ZMIZ1: variants seen among roughly 807,000 people sequenced by gnomAD.
ZMIZ1 encodes the protein zinc finger MIZ-type containing 1, also known as zinc finger MIZ domain-containing protein 1.
Under a neutral mutation model 113.9 loss-of-function variants are expected in ZMIZ1, and 17 were observed. The ratio of observed to expected loss-of-function variants is 0.15; its 90% CI spans 0.10 to 0.22. The LOEUF is 0.22. ZMIZ1 is among the 10% of genes least tolerant of loss of function. The probability of loss-of-function intolerance (pLI) is 1.00; values close to 1 mark genes in which losing one functional copy is unlikely to be tolerated. For missense variants in ZMIZ1, 1,059 were observed against 1,477.8 expected (o/e 0.72, Z 4.65); for synonymous variants, 607 against 603.1 (o/e 1.01, Z -0.09).
At chr10:79,227,096 T>C (rs746641904) in intron 7 of ZMIZ1, among the ~76,000 whole-genome samples, 5 of 152,190 alleles carry the variant, frequency 3.3e-5, no homozygotes, top group African/African-American at 1.2e-4. Context: ...AGAGCCAAAA[T>C]TGTGATTCAA....
chr10:79,147,548 A>AT (rs1845540641), intron 3 of ZMIZ1, among the ~76,000 whole-genome samples: 1 of 152,162 alleles, frequency 6.6e-6, no homozygotes, highest in Admixed American at 6.5e-5. Context: ...CTAGGCAGGG[A>AT]TAGGGGTTGT....
chr10:79,270,287 TC>T (rs1272256896), intron 7 of ZMIZ1, among the ~76,000 whole-genome samples: 2 of 152,222 alleles, frequency 1.3e-5, no homozygotes, highest in African/African-American at 4.8e-5. Context: ...AGCTGGCTCT[TC>T]CTCGGTGCCT....
chr10:79,086,632 G>T (rs1259600290), intron 1 of ZMIZ1, among the ~76,000 whole-genome samples: 2 of 152,098 alleles, frequency 1.3e-5, no homozygotes, highest in Non-Finnish European at 2.9e-5. Flanking sequence ...TCCCACCTCT[G>T]CCTCCTGCTG....
At chr10:79,189,949 G>A (rs755127740) in intron 4 of ZMIZ1, among the ~76,000 whole-genome samples, 59 of 152,186 alleles carry the variant, frequency 3.9e-4, no homozygotes, top group Middle Eastern at 3.2e-3. Context: ...AATGAAGATC[G>A]GGCTAGACCC....
chr10:79,074,904 G>A (rs1341862655), intron 1 of ZMIZ1, among the ~76,000 whole-genome samples: 2 of 152,264 alleles, frequency 1.3e-5, no homozygotes, highest in Admixed American at 6.5e-5. Flanking sequence ...AGGGCCCCAG[G>A]CCCTGCCTGT....
Position 79,293,447 on chromosome 10 carries a change from A to G in ZMIZ1, c.1024A>G (p.Met342Val), listed in dbSNP as rs376626701. 1.7e-5 allele frequency: 26 copies of G among 1,540,842 alleles called. No individual in the cohort carries two copies. The East Asian group carries it at 1.8e-4, about 11-fold the overall frequency. Reference sequence around the variant, plus strand: ...GCCCGGGCCGCGGGGGCCTGCCTCCATGGGGGGCAGCATGAACCCCGCGAG... The same window carrying G: ...GCCCGGGCCGCGGGGGCCTGCCTCCGTGGGGGGCAGCATGAACCCCGCGAG... ...NQPGPRGPAS[M>V]GGSMNPASMA... Residue 342 changes from methionine (M) to valine (V), a missense_variant, in exon 12 of 25, where the codon ATG becomes GTG. Met to Val is a conservative substitution (Grantham distance 21). This residue lies in a region of ZMIZ1 where 83 missense variants were observed against 103.7 expected (regional missense o/e 0.80). Coordinates refer to ENST00000334512, the MANE Select transcript of ZMIZ1 (RefSeq NM_020338.4).
At chr10:79,274,093 G>A (rs1379831877) in intron 7 of ZMIZ1, among the ~76,000 whole-genome samples, 1 of 151,992 alleles carries the variant, frequency 6.6e-6, no homozygotes, top group Non-Finnish European at 1.5e-5. Context: ...GGTAAGTGGG[G>A]CCCACAGGAC....
intron 7 of ZMIZ1, among the ~76,000 whole-genome samples, chr10:79,265,821 C>T (rs1686209570): frequency 6.6e-6 from 1 of 152,202 alleles, no homozygotes; most frequent in Admixed American, 6.5e-5. Flanking sequence ...AGGACCCTGT[C>T]ACCCTCAGAG....
chr10:79,308,025 T>A (rs563229955), intron 23 of ZMIZ1, among the ~76,000 whole-genome samples: 1 of 152,292 alleles, frequency 6.6e-6, no homozygotes, highest in South Asian at 2.1e-4. Context: ...TGCTAGGAAG[T>A]CTGATTATCT....
At chr10:79,225,764 C>T (rs1270067566) in intron 7 of ZMIZ1, among the ~76,000 whole-genome samples, 3 of 152,102 alleles carry the variant, frequency 2.0e-5, no homozygotes, top group African/African-American at 7.2e-5. Flanking sequence ...GCCATATCAC[C>T]TAGACCACAC....
At chr10:79,078,132 G>A (rs999193141) in intron 1 of ZMIZ1, among the ~76,000 whole-genome samples, 12 of 152,322 alleles carry the variant, frequency 7.9e-5, no homozygotes, top group Admixed American at 2.6e-4. Context: ...TTGGAAAGGC[G>A]TTCGAGAGGG....
At chr10:79,272,126 C>A (rs1851985303) in intron 7 of ZMIZ1, among the ~76,000 whole-genome samples, 1 of 151,946 alleles carries the variant, frequency 6.6e-6, no homozygotes, top group Admixed American at 6.6e-5. Flanking sequence ...TATATATACA[C>A]ACACACAAAA....
At chr10:79,301,296 C>T (rs76398687) in intron 17 of ZMIZ1, among the ~76,000 whole-genome samples, 21,723 of 152,192 alleles carry the variant, frequency 0.14, 1,890 homozygotes, top group Admixed American at 0.27. Context: ...CCATGTCCTG[C>T]TTGCCTCATT....
chr10:79,256,622 T>C (rs1434962526), intron 7 of ZMIZ1, among the ~76,000 whole-genome samples: 1 of 152,210 alleles, frequency 6.6e-6, no homozygotes, highest in East Asian at 1.9e-4. Flanking sequence ...TCACAAGAAA[T>C]GCCCTGCCAG....
intron 1 of ZMIZ1, among the ~76,000 whole-genome samples, chr10:79,077,571 T>TA (rs1208036186): frequency 6.6e-6 from 1 of 152,194 alleles, no homozygotes; most frequent in African/African-American, 2.4e-5. Flanking sequence ...TTTACATACT[T>TA]AAAACAACTT....
intron 7 of ZMIZ1, among the ~76,000 whole-genome samples, chr10:79,234,425 T>C (rs945812534): frequency 6.6e-6 from 1 of 152,162 alleles, no homozygotes; most frequent in Non-Finnish European, 1.5e-5. Flanking sequence ...AGGGAAAAGG[T>C]CTTAACTTTG....
At chr10:79,309,008 C>T (rs1854926623) in intron 23 of ZMIZ1, among the ~76,000 whole-genome samples, 1 of 152,192 alleles carries the variant, frequency 6.6e-6, no homozygotes, top group South Asian at 2.1e-4. Context: ...TGAGCTCTCA[C>T]TAGAGGGCAA....
intron 7 of ZMIZ1, among the ~76,000 whole-genome samples, chr10:79,217,613 C>G (rs916788938): frequency 2.6e-5 from 4 of 152,194 alleles, no homozygotes; most frequent in Non-Finnish European, 5.9e-5. Flanking sequence ...ATAGACACAG[C>G]CTTCATGAAA....
At chr10:79,106,644 A>G (rs893219225) in intron 1 of ZMIZ1, among the ~76,000 whole-genome samples, 3 of 152,222 alleles carry the variant, frequency 2.0e-5, no homozygotes, top group Non-Finnish European at 4.4e-5. Flanking sequence ...CCCCAACCAC[A>G]TTGCAGGCCC....
Sources: allele counts gnomAD v4.1 joint callset (sites outside exome capture counted in the v4.1 genomes callset), GRCh38; gene constraint gnomAD v4.1.1; regional missense constraint gnomAD v4.1.1; transcripts MANE v1.5; gene names NCBI Gene and HGNC (gene_info 2026-07-23, HGNC 2026-07-21).